Variants in NEGR1 observed in about 807,000 individuals in gnomAD.
NEGR1 encodes IgLON family member 4.
In NEGR1, 10 loss-of-function variants were observed where a neutral mutation model predicts 40.9. That is an observed-to-expected ratio of 0.24 (90% CI 0.15 to 0.42). The LOEUF (loss-of-function observed/expected upper bound fraction) is 0.42. Among genes scored for constraint, NEGR1 ranks in the 10% least tolerant of loss-of-function variants. NEGR1 has a pLI of 1.00. For synonymous variants in NEGR1, 185 were observed against 166.8 expected, an observed-to-expected ratio of 1.11 and a Z score of -0.84; for missense variants, 352 against 438.9, an observed-to-expected ratio of 0.80 and a Z score of 1.77.
At chr1:71,862,636 G>C (rs978302014) in intron 2 of NEGR1, among the ~76,000 whole-genome samples, 37 of 151,890 alleles carry the variant, frequency 2.4e-4, no homozygotes, top group Admixed American at 2.0e-3. Flanking sequence ...ATATTTCTCT[G>C]GCTCTAAAGG....
At chr1:71,722,551 G>A (rs1020557277) in intron 3 of NEGR1, among the ~76,000 whole-genome samples, 3 of 151,928 alleles carry the variant, frequency 2.0e-5, no homozygotes, top group African/African-American at 4.8e-5. Flanking sequence ...AATCTTGTCT[G>A]TGTAACAGCA....
chr1:71,444,911 C>T (rs1646570855), intron 6 of NEGR1, among the ~76,000 whole-genome samples: 1 of 152,146 alleles, frequency 6.6e-6, no homozygotes, highest in South Asian at 2.1e-4. Flanking sequence ...TTTTGAGCAA[C>T]TACTATGTGC....
intron 4 of NEGR1, among the ~76,000 whole-genome samples, chr1:71,674,008 G>A (rs574083590): frequency 1.3e-5 from 2 of 152,156 alleles, no homozygotes; most frequent in East Asian, 3.9e-4. Flanking sequence ...GAATACAACT[G>A]TTGGTATTTA....
intron 4 of NEGR1, among the ~76,000 whole-genome samples, chr1:71,633,096 C>A (rs1651030516): frequency 1.3e-5 from 2 of 152,084 alleles, no homozygotes; most frequent in South Asian, 2.1e-4. Context: ...TGAGTTCAGG[C>A]CAAATTATAT....
rs1034036383 is a variant in NEGR1, at chr1:72,059,371, A to G, written c.177-124060T>C. Among the ~76,000 whole-genome samples the G allele has an allele frequency of 1.3e-4, 20 of 151,696 alleles. No individual in the cohort carries two copies. In the East Asian group the frequency reaches 3.9e-3, roughly 30 times the overall value. ...TTTAAAAAATATCTTCTGTAGATAC[A>G]TAGACCATTTATTCTTTCTGGGGGG... On this transcript the variant is annotated intron_variant, in intron 1 of 6. Transcript: ENST00000357731.
intron 1 of NEGR1, among the ~76,000 whole-genome samples, chr1:71,968,161 T>C (rs910990828): frequency 6.6e-6 from 1 of 152,174 alleles, no homozygotes; most frequent in Non-Finnish European, 1.5e-5. Flanking sequence ...TTCAGAAATG[T>C]AAATCTGTAC....
intron 6 of NEGR1, among the ~76,000 whole-genome samples, chr1:71,419,796 A>G (rs1396606814): frequency 3.3e-5 from 5 of 152,050 alleles, no homozygotes; most frequent in Non-Finnish European, 7.4e-5. Flanking sequence ...AGATTATCCA[A>G]CTTGTAAAAC....
At chr1:72,252,466 T>G (rs539495540) in intron 1 of NEGR1, among the ~76,000 whole-genome samples, 4 of 152,346 alleles carry the variant, frequency 2.6e-5, no homozygotes, top group Admixed American at 2.0e-4. Context: ...TTTCAAACTA[T>G]AGCATATCAA....
chr1:71,839,456 C>A (rs376680771), intron 2 of NEGR1, among the ~76,000 whole-genome samples: 3 of 151,748 alleles, frequency 2.0e-5, no homozygotes, highest in African/African-American at 7.3e-5. Flanking sequence ...GGCGATCCAC[C>A]CACCTCAGAG....
intron 2 of NEGR1, among the ~76,000 whole-genome samples, chr1:71,778,627 T>C (rs943702213): frequency 3.3e-5 from 5 of 152,188 alleles, no homozygotes; most frequent in South Asian, 2.1e-4. Flanking sequence ...TTCCTTTATA[T>C]AGAAGATAGT....
chr1:72,126,359 C>T (rs1650024712), intron 1 of NEGR1, among the ~76,000 whole-genome samples: 1 of 151,846 alleles, frequency 6.6e-6, no homozygotes, highest in African/African-American at 2.4e-5. Flanking sequence ...TTTGCTATAT[C>T]GAAGATGTAA....
At chr1:71,498,723 G>A (rs1646981102) in intron 6 of NEGR1, among the ~76,000 whole-genome samples, 2 of 152,070 alleles carry the variant, frequency 1.3e-5, no homozygotes, top group African/African-American at 4.8e-5. Context: ...ATTTCCAAGA[G>A]CTAATTTGCA....
chr1:72,200,164 AT>A (rs1653153267), intron 1 of NEGR1, among the ~76,000 whole-genome samples: 1 of 151,942 alleles, frequency 6.6e-6, no homozygotes, highest in African/African-American at 2.4e-5. Flanking sequence ...CAATCCTACT[AT>A]TGGGTATTTA....
intron 2 of NEGR1, among the ~76,000 whole-genome samples, chr1:71,855,028 A>G (rs1019722394): frequency 6.6e-6 from 1 of 152,068 alleles, no homozygotes; most frequent in Non-Finnish European, 1.5e-5. Flanking sequence ...CTCTGAGTTC[A>G]CCTTTCTGTT....
intron 6 of NEGR1, among the ~76,000 whole-genome samples, chr1:71,591,480 A>G (rs145355033): frequency 5.7e-4 from 87 of 152,306 alleles, no homozygotes; most frequent in Admixed American, 3.0e-3. Flanking sequence ...GTGTTAATTC[A>G]TTTATTCTTT....
chr1:71,559,835 T>A (rs1557566647), intron 6 of NEGR1, among the ~76,000 whole-genome samples: 8 of 148,366 alleles, frequency 5.4e-5, no homozygotes. Context: ...ATCATTCTGG[T>A]AAAAAAAAAA....
intron 3 of NEGR1, among the ~76,000 whole-genome samples, chr1:71,719,813 T>C (rs927314128): frequency 6.6e-6 from 1 of 152,056 alleles, no homozygotes; most frequent in African/African-American, 2.4e-5. Flanking sequence ...TGTGTGATGT[T>C]CTCCTCCCCG....
Position 71,835,042 on chromosome 1 carries a change from T to C in NEGR1, c.410-58745A>G, listed in dbSNP as rs1447207569. Among the ~76,000 whole-genome samples the C allele has an allele frequency of 2.0e-5, 3 of 152,102 alleles. No homozygotes were observed. In the East Asian group the frequency reaches 5.8e-4, roughly 29 times the overall value. On this transcript the variant is annotated intron_variant, in intron 2 of 6. Coordinates refer to ENST00000357731, the MANE Select transcript of NEGR1 (RefSeq NM_173808.3). ...TGGACTGATTACAGCTAGGCTTTTTTCCATGGTCTTTGCCTGGTTGTTGGC... is the reference window on the plus strand; with the variant it reads ...TGGACTGATTACAGCTAGGCTTTTTCCCATGGTCTTTGCCTGGTTGTTGGC...
intron 6 of NEGR1, among the ~76,000 whole-genome samples, chr1:71,428,089 G>A (rs1282501486): frequency 6.6e-6 from 1 of 152,058 alleles, no homozygotes; most frequent in African/African-American, 2.4e-5. Context: ...TTACTGAAAG[G>A]GCAGAGGAAG....
Sources: gnomAD v4.1 joint callset for allele counts (sites outside exome capture counted in the v4.1 genomes callset) on GRCh38, gnomAD v4.1.1 for gene constraint, MANE v1.5 for transcripts, NCBI Gene and HGNC (gene_info 2026-07-23, HGNC 2026-07-21) for gene names.